CLEC12A: variants seen among roughly 807,000 people sequenced by gnomAD.
CLEC12A encodes C-type lectin domain family 12 member A.
In CLEC12A, 22 loss-of-function variants were observed where a neutral mutation model predicts 26.5. The observed-to-expected ratio is 0.83, with a 90% confidence interval of 0.59 to 1.19. The LOEUF (loss-of-function observed/expected upper bound fraction) is 1.19. Ranked by LOEUF, CLEC12A falls within the 50% of genes most tolerant of loss-of-function variation. The pLI is 0.00. For synonymous variants in CLEC12A, 119 were observed against 101.9 expected, an observed-to-expected ratio of 1.17 and a Z score of -1.01; for missense variants, 353 against 315.6, an observed-to-expected ratio of 1.12 and a Z score of -0.90.
chr12:9,986,044 T>C (rs1040894428), downstream of CLEC12A: 14 of 416,568 alleles, frequency 3.4e-5, no homozygotes, highest in Non-Finnish European at 6.9e-5. Context: ...GAAGGGGGCT[T>C]GTATAGTTTG....
At chr12:9,997,077 C>A (rs1481357382), downstream of CLEC12A, 1 of 1,608,306 alleles carries the variant, frequency 6.2e-7, no homozygotes, top group Non-Finnish European at 8.5e-7. Context: ...ATGTTTTCTG[C>A]AGATCTCAAA....
At chr12:9,978,916 A>G in intron 1 of CLEC12A, 50 bp from the exon 2 acceptor site, 1 of 1,290,760 alleles carries the variant, frequency 7.7e-7, no homozygotes, top group Non-Finnish European at 1.1e-6. Context: ...AATAATCCAA[A>G]TGAAAGTTAT....
upstream of CLEC12A, among the ~76,000 whole-genome samples, chr12:9,968,101 G>C (rs921535524): frequency 2.6e-5 from 4 of 152,232 alleles, no homozygotes; most frequent in Non-Finnish European, 5.9e-5. Context: ...TTGGAGAAGA[G>C]AGTAAAAAGA....
chr12:9,954,433 T>G (rs1201435247), intron 1 of CLEC12A, among the ~76,000 whole-genome samples: 1 of 151,986 alleles, frequency 6.6e-6, no homozygotes, highest in Non-Finnish European at 1.5e-5. Context: ...AGGTTGAGGC[T>G]GCAGTGAGCC....
In CLEC12A at chr12:9,979,349, G is replaced by A; in HGVS notation, c.204G>A (p.Leu68=). 1 of 1,592,088 alleles carries A rather than the reference G, an allele frequency of 6.3e-7. No individual in the cohort carries two copies. The stretch of plus-strand genomic sequence containing the variant: ...TTTAATGTGGAGTTCACGTAACTTT[G>A]AAGATAGAAATGAAAAAAATGAACA... ...GVLASMFHVT[L]KIEMKKMNKL... Residue 68 remains leucine, a synonymous_variant, in exon 3 of 6, where the codon TTG becomes TTA. Transcript: ENST00000304361.
At chr12:9,971,817 A>AAGGAACAAAAAGTGT in intron 1 of CLEC12A, 130 bp downstream of exon 1, 1 of 687,220 alleles carries the variant, frequency 1.5e-6, no homozygotes, top group Non-Finnish European at 2.2e-6. Context: ...TGTTTAAGCA[A>AAGGAACAAAAAGTGT]AGGAACAAAA....
At position 9,992,079 on chromosome 12, in the gene CLEC12A, T is replaced by G. The variant is rs181541590; in HGVS notation, n.1005-2939T>G. On this transcript the variant is annotated intron_variant and non_coding_transcript_variant, in intron 4 of 4. Coordinates refer to the CLEC12A transcript ENST00000449959. ...CATGTTCGTAAATGGTAGCCACTAG[T>G]TAAAAAAGGGAAGCTGTGGGAAAGA... 2.5e-3 allele frequency: 378 copies of G among 152,220 alleles called. 2 individuals carry two copies. Among genetic ancestry groups the G allele is most frequent in the African/African-American group, 9.0e-3 (375 of 41,562 alleles). The allele number at this position is 152,220 out of a possible 1,614,324, so 9.4% of individuals were successfully genotyped here. A position where few individuals can be genotyped will look rare whatever the true frequency, so the allele number is the denominator to read the frequency against.
At chr12:9,990,401 C>A (rs552380477), downstream of CLEC12A, among the ~76,000 whole-genome samples, 23 of 152,294 alleles carry the variant, frequency 1.5e-4, no homozygotes, top group African/African-American at 5.5e-4. Flanking sequence ...ATCAAACCCT[C>A]ATGGATAACT....
downstream of CLEC12A, among the ~76,000 whole-genome samples, chr12:9,986,423 C>T (rs932461866): frequency 1.5e-5 from 2 of 137,268 alleles, no homozygotes; most frequent in Non-Finnish European, 3.3e-5. Context: ...ATCCCCCCCC[C>T]CCTTTTTTTC....
intron 5 of CLEC12A, chr12:9,984,038 C>A: frequency 6.9e-6 from 2 of 289,578 alleles, no homozygotes; most frequent in South Asian, 3.1e-5. Flanking sequence ...GAATGGAAAA[C>A]ATTGTAGATA....
At chr12:9,964,507 G>A (rs1863895062) in intron 1 of CLEC12A, among the ~76,000 whole-genome samples, 1 of 152,106 alleles carries the variant, frequency 6.6e-6, no homozygotes, top group Non-Finnish European at 1.5e-5. Context: ...GTAAAGAATA[G>A]AACTTCATCA....
Position 9,985,426 on chromosome 12 carries a change from G to A in CLEC12A, c.*400G>A, listed in dbSNP as rs1470741417. The A allele has an allele frequency of 1.0e-5, 4 of 400,674 alleles. No individual in the cohort carries two copies. Among genetic ancestry groups the A allele is most frequent in the African/African-American group, 6.2e-5 (3 of 48,640 alleles). 24.8% of individuals were successfully genotyped at this position (400,674 alleles called of 1,614,324 possible). A position where few individuals can be genotyped will look rare whatever the true frequency, so the allele number is the denominator to read the frequency against. ...AGGGTGGCATGGCTCCCCATCTCGG[G>A]TCCATCCTATACTTCCATGGGACTC... On this transcript the variant is annotated 3_prime_UTR_variant, in exon 6 of 6. Transcript: ENST00000304361.
downstream of CLEC12A, chr12:9,998,275 C>T (rs201996581): frequency 1.6e-3 from 2,614 of 1,612,086 alleles, 6 homozygotes; most frequent in Non-Finnish European, 2.0e-3. Context: ...GCAGAGTCAA[C>T]ACTTACACCA....
intron 5 of CLEC12A, among the ~76,000 whole-genome samples, chr12:9,982,937 G>A (rs3903807): frequency 0.29 from 44,055 of 151,968 alleles, 6,881 homozygotes; most frequent in Non-Finnish European, 0.33. Context: ...ATGGTCTCCA[G>A]CTCCATCCAT....
chr12:9,975,064 G>A (rs949394293), intron 1 of CLEC12A, among the ~76,000 whole-genome samples: 2 of 152,180 alleles, frequency 1.3e-5, no homozygotes, highest in East Asian at 1.9e-4. Flanking sequence ...TCCACCATGA[G>A]TGTGAGGCCT....
At chr12:9,956,855 G>A (rs1434370169) in intron 1 of CLEC12A, among the ~76,000 whole-genome samples, 1 of 152,166 alleles carries the variant, frequency 6.6e-6, no homozygotes, top group Non-Finnish European at 1.5e-5. Context: ...GGTCATCCAT[G>A]GTATGGAGAT....
At chr12:9,964,537 T>G (rs1467728655) in intron 1 of CLEC12A, among the ~76,000 whole-genome samples, 1 of 151,760 alleles carries the variant, frequency 6.6e-6, no homozygotes, top group African/African-American at 2.4e-5. Flanking sequence ...TATTGGAGGG[T>G]CCCCTGCCAG....
intron 1 of CLEC12A, among the ~76,000 whole-genome samples, chr12:9,952,342 C>T (rs562957629): frequency 1.2e-3 from 183 of 151,166 alleles, no homozygotes; most frequent in Non-Finnish European, 1.9e-3. Flanking sequence ...CGCACCACCA[C>T]GCCTGACTGG....
intron 1 of CLEC12A, among the ~76,000 whole-genome samples, chr12:9,977,784 C>T (rs924903132): frequency 6.6e-6 from 1 of 152,114 alleles, no homozygotes; most frequent in Non-Finnish European, 1.5e-5. Context: ...GGAACTTGTA[C>T]ATCTTGCTCA....
Sources: gnomAD v4.1 joint callset for allele counts (sites outside exome capture counted in the v4.1 genomes callset) on GRCh38, gnomAD v4.1.1 for gene constraint, MANE v1.5 for transcripts, NCBI Gene and HGNC (gene_info 2026-07-23, HGNC 2026-07-21) for gene names.